The following VEPH1 variants were observed in gnomAD, a reference collection of about 807,000 sequenced individuals.
VEPH1 encodes the protein ventricular zone expressed PH domain containing 1.
A neutral mutation model predicts 85.2 loss-of-function variants in VEPH1; 80 were observed. The observed-to-expected ratio is 0.94, with a 90% CI of 0.78 to 1.13. VEPH1 has a LOEUF of 1.13. Ranked by LOEUF, VEPH1 falls within the 50% of genes most tolerant of loss-of-function variation. The probability of loss-of-function intolerance (pLI) is 0.00; values close to 1 mark genes in which losing one functional copy is unlikely to be tolerated. For missense variants in VEPH1, 955 were observed against 980.5 expected (o/e 0.97, Z 0.35); for synonymous variants, 297 against 348.0 (o/e 0.85, Z 1.63).
At chr3:157,495,788 T>G (rs1241934244) in intron 1 of VEPH1, among the ~76,000 whole-genome samples, 1 of 152,216 alleles carries the variant, frequency 6.6e-6, no homozygotes, top group Non-Finnish European at 1.5e-5. Flanking sequence ...CTTCTCTCCA[T>G]GTCACAAGGA....
intron 9 of VEPH1, among the ~76,000 whole-genome samples, chr3:157,319,466 A>G (rs1721139224): frequency 6.6e-6 from 1 of 152,208 alleles, no homozygotes; most frequent in Admixed American, 6.5e-5. Flanking sequence ...AAGTTGGCAC[A>G]TATGCTCGGA....
intron 9 of VEPH1, among the ~76,000 whole-genome samples, chr3:157,326,630 A>T (rs569729365): frequency 1.3e-5 from 2 of 152,326 alleles, no homozygotes; most frequent in Admixed American, 1.3e-4. Flanking sequence ...AACAAGTAAA[A>T]GAGAACAGGT....
At chr3:157,396,033 C>T (rs1730347308) in intron 6 of VEPH1, among the ~76,000 whole-genome samples, 1 of 152,188 alleles carries the variant, frequency 6.6e-6, no homozygotes, top group Non-Finnish European at 1.5e-5. Context: ...ATCAACCCAT[C>T]ACTAGGTATT....
intron 9 of VEPH1, among the ~76,000 whole-genome samples, chr3:157,361,818 G>A (rs1278003208): frequency 6.6e-6 from 1 of 152,150 alleles, no homozygotes; most frequent in East Asian, 1.9e-4. Flanking sequence ...ATGTAAAGGA[G>A]TGTCAGAAAT....
At chr3:157,299,544 A>T in intron 11 of VEPH1, among the ~76,000 whole-genome samples, 1 of 139,028 alleles carries the variant, frequency 7.2e-6, no homozygotes. Context: ...TGGGCAATAG[A>T]GTGAGGCCCT....
At chr3:157,481,093 TC>T (rs1383140584) in intron 2 of VEPH1, among the ~76,000 whole-genome samples, 1 of 152,270 alleles carries the variant, frequency 6.6e-6, no homozygotes, top group East Asian at 1.9e-4. Context: ...GCTTATGTCT[TC>T]TTTTGAGAAG....
intron 9 of VEPH1, among the ~76,000 whole-genome samples, chr3:157,348,603 G>T (rs577559403): frequency 6.6e-6 from 1 of 152,118 alleles, no homozygotes; most frequent in Non-Finnish European, 1.5e-5. Flanking sequence ...CAGATTGTTA[G>T]ATCAACAGTC....
chr3:157,495,927 C>A (rs972447410), intron 1 of VEPH1, among the ~76,000 whole-genome samples: 5 of 152,204 alleles, frequency 3.3e-5, no homozygotes, highest in African/African-American at 2.4e-5. Context: ...CTTCCTTGAA[C>A]CCTTTCTTCC....
intron 2 of VEPH1, among the ~76,000 whole-genome samples, chr3:157,493,541 A>C (rs999321159): frequency 2.6e-5 from 4 of 152,196 alleles, no homozygotes; most frequent in African/African-American, 9.7e-5. Context: ...GTTCCATGAG[A>C]GGGTTACAGA....
intron 9 of VEPH1, among the ~76,000 whole-genome samples, chr3:157,345,985 C>A (rs1724173679): frequency 6.7e-6 from 1 of 150,172 alleles, no homozygotes; most frequent in South Asian, 2.1e-4. Flanking sequence ...ACAATGAGAA[C>A]ACTTGGACAC....
At chr3:157,263,123 C>T (rs1294311018) in intron 13 of VEPH1, among the ~76,000 whole-genome samples, 1 of 151,846 alleles carries the variant, frequency 6.6e-6, no homozygotes, top group East Asian at 1.9e-4. Context: ...TTTTAAAATG[C>T]ACATTTCTTT....
chr3:157,329,146 A>G (rs1236160298), intron 9 of VEPH1, among the ~76,000 whole-genome samples: 1 of 152,174 alleles, frequency 6.6e-6, no homozygotes, highest in Admixed American at 6.5e-5. Context: ...ACTTTCATTT[A>G]TTCTGTATGT....
chr3:157,342,480 T>C (rs552788976), intron 9 of VEPH1, among the ~76,000 whole-genome samples: 1 of 152,266 alleles, frequency 6.6e-6, no homozygotes, highest in African/African-American at 2.4e-5. Flanking sequence ...GAGCTAACTA[T>C]CCTAAATATA....
chr3:157,434,135 G>C (rs1346164745), intron 4 of VEPH1, among the ~76,000 whole-genome samples: 1 of 151,736 alleles, frequency 6.6e-6, no homozygotes, highest in Non-Finnish European at 1.5e-5. Context: ...TTTTGCCTAA[G>C]TCTATTTTTT....
At chr3:157,271,143 A>T (rs1343846940) in intron 12 of VEPH1, among the ~76,000 whole-genome samples, 3 of 152,174 alleles carry the variant, frequency 2.0e-5, no homozygotes, top group African/African-American at 7.2e-5. Context: ...GGAGAAGTCA[A>T]TTCAAGGCTT....
chr3:157,409,959 T>C (rs549712253), intron 6 of VEPH1: 1 of 981,080 alleles, frequency 1.0e-6, no homozygotes, highest in South Asian at 4.7e-5. Flanking sequence ...ATAGATTGTA[T>C]ATTATATGCT....
chr3:157,348,874 G>T (rs1724536085), intron 9 of VEPH1, among the ~76,000 whole-genome samples: 1 of 152,166 alleles, frequency 6.6e-6, no homozygotes, highest in Non-Finnish European at 1.5e-5. Flanking sequence ...CTGAAAAATG[G>T]CCCTGCAGCA....
intron 7 of VEPH1, among the ~76,000 whole-genome samples, chr3:157,368,071 C>G (rs1559999454): frequency 6.6e-6 from 1 of 152,208 alleles, no homozygotes; most frequent in Non-Finnish European, 1.5e-5. Context: ...GTTTCACCAT[C>G]TATAAAATGC....
At chr3:157,443,592 C>T (rs55654491) in intron 4 of VEPH1, 1 of 152,604 alleles carries the variant, frequency 6.6e-6, no homozygotes, top group Middle Eastern at 3.4e-3. Flanking sequence ...AAAACTAGCT[C>T]ACGTCATTTA....
Sources: gnomAD v4.1 joint callset for allele counts (sites outside exome capture counted in the v4.1 genomes callset) on GRCh38, gnomAD v4.1.1 for gene constraint, MANE v1.5 for transcripts, NCBI Gene and HGNC (gene_info 2026-07-23, HGNC 2026-07-21) for gene names.